DPYSL4: variants seen among roughly 807,000 people sequenced by gnomAD.
DPYSL4 encodes the protein dihydropyrimidinase like 4, also known as dihydropyrimidinase-related protein 4.
Under a neutral mutation model 63.4 loss-of-function variants are expected in DPYSL4, and 43 were observed. That is an observed-to-expected ratio of 0.68 (90% CI 0.53 to 0.88). The LOEUF (loss-of-function observed/expected upper bound fraction) is 0.88, where lower values mean the gene tolerates loss of function less well. DPYSL4 is among the 40% of genes least tolerant of loss of function. DPYSL4 has a pLI of 0.00. For missense variants in DPYSL4, 733 were observed against 819.5 expected (o/e 0.89, Z 1.29); for synonymous variants, 353 against 331.7 (o/e 1.06, Z -0.70).
At chr10:132,204,252 C>G (rs1037540543) in intron 13 of DPYSL4, among the ~76,000 whole-genome samples, 6 of 152,190 alleles carry the variant, frequency 3.9e-5, no homozygotes, top group African/African-American at 1.4e-4. Context: ...TGACGAGGAT[C>G]TCAGGATCAT....
Position 132,187,097 on chromosome 10 carries a change from A to C in DPYSL4, c.34A>C (p.Ile12Leu). The C allele has an allele frequency of 6.9e-7, 1 of 1,445,400 alleles. No homozygotes were observed. Among genetic ancestry groups the C allele is most frequent in the Non-Finnish European group, 9.2e-7 (1 of 1,081,538 alleles). The allele number at this position is 1,445,400 out of a possible 1,614,324, so 89.5% of individuals were successfully genotyped here. Residue 12 changes from isoleucine (I) to leucine (L), a missense_variant, in exon 1 of 14, where the codon ATC becomes CTC. Coordinates refer to ENST00000338492, the MANE Select transcript of DPYSL4 (RefSeq NM_006426.3). ...SFQGKKSIPR[I>L]TSDRLLIRGG... Reference sequence around the variant, plus strand: ...CCAGGGCAAGAAAAGCATCCCCCGGATCACGGTGAGCCCGGTCCCGCTTCG... The same window carrying C: ...CCAGGGCAAGAAAAGCATCCCCCGGCTCACGGTGAGCCCGGTCCCGCTTCG...
chr10:132,198,549 G>C (rs4880347), intron 7 of DPYSL4, 66 bp downstream of exon 7: 4 of 1,477,146 alleles, frequency 2.7e-6, no homozygotes, highest in Admixed American at 4.0e-5. Flanking sequence ...GCCTGGGGCT[G>C]TGCTGACCCT....
chr10:132,201,032 C>T lies in DPYSL4; in HGVS notation c.1110+49C>T, dbSNP rs533126209. The T allele has an allele frequency of 6.9e-6, 11 of 1,598,242 alleles. No homozygotes were observed. In the South Asian group the frequency reaches 9.0e-5, roughly 13 times the overall value. On this transcript the variant is annotated intron_variant, in intron 10 of 13. Transcript: ENST00000338492. Reference sequence around the variant, plus strand: ...ACGCCGTCTGGGGAGCGGCTGTGGGCGGGATTGTGATGGCTGGTCAGAAGG... The same window carrying T: ...ACGCCGTCTGGGGAGCGGCTGTGGGTGGGATTGTGATGGCTGGTCAGAAGG...
rs377655697 is a variant in DPYSL4, at chr10:132,187,126, G to T, written c.39+24G>T. On this transcript the variant is annotated intron_variant, in intron 1 of 13. Transcript: ENST00000338492. ...CGGTGAGCCCGGTCCCGCTTCGCCCGGCGCCCCCTGCCCGCCGCCCGGAGT... is the reference window on the plus strand; with the variant it reads ...CGGTGAGCCCGGTCCCGCTTCGCCCTGCGCCCCCTGCCCGCCGCCCGGAGT... The T allele has an allele frequency of 2.7e-6, 4 of 1,507,550 alleles. No individual in the cohort carries two copies. In the African/African-American group the frequency reaches 4.3e-5, roughly 16 times the overall value. 93.4% of individuals were successfully genotyped at this position (1,507,550 alleles called of 1,614,324 possible).
chr10:132,203,949 A>C lies in DPYSL4; in HGVS notation c.1627+22A>C, dbSNP rs779316002. 2.2e-5 allele frequency: 35 copies of C among 1,581,676 alleles called. No individual in the cohort carries two copies. In the African/African-American group the frequency reaches 4.0e-4, roughly 18 times the overall value. ...TCTGGTGAGTTGGGCCTGGGGCACC[A>C]GTGGGGGTGAGGGGCTCTGCCGGAG... On this transcript the variant is annotated intron_variant, in intron 13 of 13. Transcript: ENST00000338492.
At chr10:132,199,472 G>A (rs1452627398) in intron 8 of DPYSL4, among the ~76,000 whole-genome samples, 2 of 151,972 alleles carry the variant, frequency 1.3e-5, no homozygotes, top group Non-Finnish European at 2.9e-5. Context: ...AGAGGCTACT[G>A]GGCTCAGAGG....
intron 8 of DPYSL4, among the ~76,000 whole-genome samples, chr10:132,199,908 G>A (rs561936251): frequency 2.0e-3 from 304 of 152,128 alleles, no homozygotes; most frequent in South Asian, 3.5e-3. Flanking sequence ...GGCTCTTCTC[G>A]GGGGGTGCCC....
chr10:132,197,456 G>A (rs990645304), intron 6 of DPYSL4, among the ~76,000 whole-genome samples: 1 of 152,232 alleles, frequency 6.6e-6, no homozygotes, highest in African/African-American at 2.4e-5. Flanking sequence ...CCAGCCAAGG[G>A]CACCCATGTT....
In DPYSL4 at chr10:132,200,360, G is replaced by A; in HGVS notation, c.816G>A (p.Val272=). The part of the protein sequence containing the change: ...DAIAQAKRRG[V]VVFGEPITAS... ...CTCATGGGCCTCGTGCTGCAGGGGTGGTCGTGTTTGGGGAGCCCATCACCG... is the reference window on the plus strand; with the variant it reads ...CTCATGGGCCTCGTGCTGCAGGGGTAGTCGTGTTTGGGGAGCCCATCACCG... Residue 272 remains valine (V), a synonymous_variant, in exon 9 of 14, where the codon GTG becomes GTA. Coordinates refer to ENST00000338492, the MANE Select transcript of DPYSL4 (RefSeq NM_006426.3). The A allele has an allele frequency of 5.6e-6, 9 of 1,613,216 alleles. No individual in the cohort carries two copies. Among genetic ancestry groups the A allele is most frequent in the Non-Finnish European group, 7.6e-6 (9 of 1,179,872 alleles).
At chr10:132,199,026 G>C (rs1057360915) in intron 8 of DPYSL4, 55 bp downstream of exon 8, 13 of 1,584,620 alleles carry the variant, frequency 8.2e-6, no homozygotes, top group African/African-American at 2.7e-5. Context: ...GGCCTCCTGG[G>C]TGCAGCCCTG....
At chr10:132,191,179 C>T (rs2061870828) in intron 2 of DPYSL4, among the ~76,000 whole-genome samples, 1 of 90,780 alleles carries the variant, frequency 1.1e-5, no homozygotes, top group African/African-American at 3.6e-5. Flanking sequence ...GGTATCCAGG[C>T]AGTTGAAAGT....
At chr10:132,199,053 C>A in intron 8 of DPYSL4, 82 bp downstream of exon 8, 1 of 1,517,436 alleles carries the variant, frequency 6.6e-7, no homozygotes, top group South Asian at 1.2e-5. Context: ...TGCAGGTTCC[C>A]TGAGTCCCTG....
At chr10:132,188,395 T>C (rs556235048) in intron 1 of DPYSL4, among the ~76,000 whole-genome samples, 1 of 152,354 alleles carries the variant, frequency 6.6e-6, no homozygotes, top group South Asian at 2.1e-4. Flanking sequence ...TTCTGCCCGG[T>C]TGCGTTTTCT....
Position 132,205,187 on chromosome 10 carries a change from G to T in DPYSL4, c.*257G>T, listed in dbSNP as rs1336106801. On this transcript the variant is annotated 3_prime_UTR_variant, in exon 14 of 14. Coordinates refer to ENST00000338492, the MANE Select transcript of DPYSL4 (RefSeq NM_006426.3). ...GAGCCACATGGCAGGGACAATGCCGGCAGCCTGAGCCCAGGCACCCCAGTG... is the reference window on the plus strand; with the variant it reads ...GAGCCACATGGCAGGGACAATGCCGTCAGCCTGAGCCCAGGCACCCCAGTG... 1 of 330,954 alleles carries T rather than the reference G, an allele frequency of 3.0e-6. No homozygotes were observed. The highest frequency in any genetic ancestry group is 2.1e-5 in the African/African-American group (1 of 47,006). The allele number at this position is 330,954 out of a possible 1,614,324, so 20.5% of individuals were successfully genotyped here. A position where few individuals can be genotyped will look rare whatever the true frequency, so the allele number is the denominator to read the frequency against.
intron 1 of DPYSL4, among the ~76,000 whole-genome samples, chr10:132,187,896 C>T (rs1418769812): frequency 6.6e-6 from 1 of 152,192 alleles, no homozygotes; most frequent in Non-Finnish European, 1.5e-5. Flanking sequence ...CGGGACCCGG[C>T]AGGACCTGGG....
chr10:132,187,016 C>CCCCCCT lies in DPYSL4; in HGVS notation c.-48_-47insCCCCCT. 2 of 257,562 alleles carry CCCCCCT rather than the reference C, an allele frequency of 7.8e-6. No individual in the cohort carries two copies. The highest frequency in any genetic ancestry group is 1.7e-4 in the South Asian group (2 of 12,060). 16.0% of individuals were successfully genotyped at this position (257,562 alleles called of 1,614,324 possible). On this transcript the variant is annotated 5_prime_UTR_variant, in exon 1 of 14. Coordinates refer to ENST00000338492, the MANE Select transcript of DPYSL4 (RefSeq NM_006426.3). ...GCGTCCCCCCGCCCGCCCGCCCGCC[C>CCCCCCT]GCCCGCCCCCGCTTGTGCCGCCCCT... is the stretch of plus-strand genomic sequence containing the variant.
intron 9 of DPYSL4, 102 bp from the exon 10 acceptor site, chr10:132,200,740 G>A: frequency 6.8e-7 from 1 of 1,472,362 alleles, no homozygotes; most frequent in Non-Finnish European, 9.1e-7. Flanking sequence ...CCACTCAGAT[G>A]ACCTCTAGCC....
Position 132,202,107 on chromosome 10 carries a change from C to A in DPYSL4, c.1272C>A (p.Thr424=), listed in dbSNP as rs756762316. The change falls in exon 11 of 14, where the codon ACC becomes ACA. Residue 424 remains threonine (T), a synonymous_variant. Coordinates refer to ENST00000338492, the MANE Select transcript of DPYSL4 (RefSeq NM_006426.3). The part of the protein sequence containing the change: ...PKATKIISAK[T]HNLNVEYNIF... The stretch of plus-strand genomic sequence containing the variant: ...CCACCAAGATCATCTCTGCCAAGAC[C>A]CACAATCTGGTAAGAGAAGGCGGCT... 3 of 1,612,008 alleles carry A rather than the reference C, an allele frequency of 1.9e-6. No homozygotes were observed.
intron 3 of DPYSL4, among the ~76,000 whole-genome samples, chr10:132,193,671 CTG>C (rs1383422211): frequency 6.6e-6 from 1 of 152,252 alleles, no homozygotes; most frequent in Non-Finnish European, 1.5e-5. Context: ...GGTTTTCTAG[CTG>C]TGTGACTCCA....
Sources: gnomAD v4.1 joint callset for allele counts (sites outside exome capture counted in the v4.1 genomes callset) on GRCh38, gnomAD v4.1.1 for gene constraint, MANE v1.5 for transcripts, NCBI Gene and HGNC (gene_info 2026-07-23, HGNC 2026-07-21) for gene names.